SCAMP1: variants seen among roughly 807,000 people sequenced by gnomAD.
The protein encoded by SCAMP1 is secretory carrier membrane protein 1.
Under a neutral mutation model 41.8 loss-of-function variants are expected in SCAMP1, and 15 were observed. That is an observed-to-expected ratio of 0.36 (90% CI 0.24 to 0.55). The LOEUF is 0.55. Ranked by LOEUF, SCAMP1 falls within the 20% of genes least tolerant of loss-of-function variation. The pLI is 0.86. For missense variants in SCAMP1, 341 were observed against 412.6 expected, an observed-to-expected ratio of 0.83 and a Z score of 1.50; for synonymous variants, 135 against 136.8, an observed-to-expected ratio of 0.99 and a Z score of 0.09.
chr5:78,382,785 G>A (rs1024227079), intron 1 of SCAMP1, among the ~76,000 whole-genome samples: 4 of 62,400 alleles, frequency 6.4e-5, no homozygotes, highest in Non-Finnish European at 1.7e-4. Context: ...TGGTGTGTGT[G>A]TGTGTGTGTG....
In SCAMP1 at chr5:78,416,621, A is replaced by G; in HGVS notation, c.315A>G (p.Glu105=). Reference sequence around the variant, plus strand: ...AAGCCGCAGAATTAGATCGTCGGGAACGAGAAATGCAAAACCTCAGTCAAC... The same window carrying G: ...AAGCCGCAGAATTAGATCGTCGGGAGCGAGAAATGCAAAACCTCAGTCAAC... ...ERKAAELDRR[E]REMQNLSQHG... Residue 105 remains glutamate, a synonymous_variant, in exon 4 of 9, where the codon GAA becomes GAG. Transcript: ENST00000621999. 6.3e-7 allele frequency: 1 copy of G among 1,592,742 alleles called. No individual in the cohort carries two copies. Among genetic ancestry groups the G allele is most frequent in the Non-Finnish European group, 8.6e-7 (1 of 1,169,202 alleles).
rs946439342 is a variant in SCAMP1, at chr5:78,362,680, T to C, written c.57+1952T>C. ...CTTTCTCTGTTTTTGGTGACTGTTATAGCACTGTCAGTGTATCTGACCCTT... is the reference window on the plus strand; with the variant it reads ...CTTTCTCTGTTTTTGGTGACTGTTACAGCACTGTCAGTGTATCTGACCCTT... On this transcript the variant is annotated intron_variant, in intron 1 of 8. Transcript: ENST00000621999. Among the ~76,000 whole-genome samples, 2 of 152,216 alleles carry C rather than the reference T, an allele frequency of 1.3e-5. 1 individual carries two copies. The highest frequency in any genetic ancestry group is 4.8e-5 in the African/African-American group (2 of 41,460).
chr5:78,403,950 C>CAAAAAAAAAAAAA (rs61249151), intron 2 of SCAMP1, among the ~76,000 whole-genome samples: 2 of 49,334 alleles, frequency 4.1e-5, no homozygotes, highest in Non-Finnish European at 6.9e-5. Flanking sequence ...GACTCTGTCT[C>CAAAAAAAAAAAAA]AAAAAAAAAA....
At chr5:78,445,783 T>C (rs1186058937) in intron 6 of SCAMP1, among the ~76,000 whole-genome samples, 1 of 152,230 alleles carries the variant, frequency 6.6e-6, no homozygotes, top group Non-Finnish European at 1.5e-5. Context: ...ATGATTGTAT[T>C]GCTTCATTTT....
Position 78,468,272 on chromosome 5 carries a change from T to C in SCAMP1, c.853-7232T>C, listed in dbSNP as rs968856369. Among the ~76,000 whole-genome samples, 8 of 152,228 alleles carry C rather than the reference T, an allele frequency of 5.3e-5. No individual in the cohort carries two copies. The South Asian group carries it at 6.2e-4, about 12-fold the overall frequency. ...CATCTGCATGGAGAAGGGTCTAGTT[T>C]AGTCCTTATCTTTCACAAATAGATT... On this transcript the variant is annotated intron_variant, in intron 8 of 8. Coordinates refer to ENST00000621999, the MANE Select transcript of SCAMP1 (RefSeq NM_004866.6).
chr5:78,450,736 T>A (rs777288764), intron 7 of SCAMP1, among the ~76,000 whole-genome samples: 3 of 152,228 alleles, frequency 2.0e-5, no homozygotes, highest in Admixed American at 6.5e-5. Flanking sequence ...TTCTTACATG[T>A]CAGAAGAATG....
chr5:78,413,651 C>T (rs1752137638), intron 2 of SCAMP1, among the ~76,000 whole-genome samples: 2 of 152,156 alleles, frequency 1.3e-5, no homozygotes, highest in Admixed American at 1.3e-4. Context: ...CTCCTGAGCT[C>T]AGGCGATCTG....
Position 78,412,160 on chromosome 5 carries a change from C to T in SCAMP1, c.136-3360C>T, listed in dbSNP as rs537247340. On this transcript the variant is annotated intron_variant, in intron 2 of 8. Coordinates refer to ENST00000621999, the MANE Select transcript of SCAMP1 (RefSeq NM_004866.6). ...TATTAACTAATTGTTGTATATGTTG[C>T]TTATTATTTAGATTTTGCCATCTAA... 1.2e-4 allele frequency among the ~76,000 whole-genome samples: 18 copies of T among 151,798 alleles called. No individual in the cohort carries two copies. The South Asian group carries it at 3.3e-3, about 28-fold the overall frequency.
chr5:78,415,302 T>A (rs149686501), intron 2 of SCAMP1, among the ~76,000 whole-genome samples: 1 of 152,174 alleles, frequency 6.6e-6, no homozygotes, highest in Admixed American at 6.5e-5. Flanking sequence ...TATAGTGTTA[T>A]AAGTAGCAGT....
At chr5:78,448,141 C>T (rs1210298525) in intron 6 of SCAMP1, among the ~76,000 whole-genome samples, 1 of 61,378 alleles carries the variant, frequency 1.6e-5, no homozygotes, top group African/African-American at 7.1e-5. Context: ...CTTCTTCCTC[C>T]TCTTCTTCTT....
intron 1 of SCAMP1, among the ~76,000 whole-genome samples, chr5:78,382,319 A>G (rs1751223010): frequency 6.6e-6 from 1 of 152,202 alleles, no homozygotes; most frequent in Admixed American, 6.5e-5. Flanking sequence ...TTCATTATAA[A>G]TGCTTTTCAC....
intron 1 of SCAMP1, among the ~76,000 whole-genome samples, chr5:78,377,013 G>C (rs1751081275): frequency 6.6e-6 from 1 of 152,028 alleles, no homozygotes; most frequent in African/African-American, 2.4e-5. Context: ...CCCTACCTTG[G>C]GGGAAAGGCT....
chr5:78,396,800 T>C (rs1328452601), intron 2 of SCAMP1, among the ~76,000 whole-genome samples: 2 of 152,186 alleles, frequency 1.3e-5, no homozygotes, highest in African/African-American at 4.8e-5. Flanking sequence ...GTTTCAATAA[T>C]GAGATAGTGA....
intron 6 of SCAMP1, among the ~76,000 whole-genome samples, chr5:78,443,509 ATTG>A (rs1283890547): frequency 6.6e-6 from 1 of 151,980 alleles, no homozygotes; most frequent in Non-Finnish European, 1.5e-5. Flanking sequence ...TAGGTTTGAT[ATTG>A]TTCAGGTTTA....
At chr5:78,441,620 C>T (rs963099331) in intron 6 of SCAMP1, among the ~76,000 whole-genome samples, 1 of 152,130 alleles carries the variant, frequency 6.6e-6, no homozygotes, top group African/African-American at 2.4e-5. Context: ...TTGAATCCAG[C>T]CTGACCAATG....
At chr5:78,472,578 G>A (rs1753911204) in intron 8 of SCAMP1, among the ~76,000 whole-genome samples, 2 of 151,986 alleles carry the variant, frequency 1.3e-5, no homozygotes. Context: ...CTGAAATCAA[G>A]AATCCACCCT....
chr5:78,365,292 G>T (rs1237655956), intron 1 of SCAMP1, among the ~76,000 whole-genome samples: 4 of 151,746 alleles, frequency 2.6e-5, no homozygotes, highest in African/African-American at 4.8e-5. Flanking sequence ...GGCCAACATG[G>T]TGAAACCCCG....
At chr5:78,459,914 C>G (rs1447651323) in intron 8 of SCAMP1, among the ~76,000 whole-genome samples, 1 of 152,198 alleles carries the variant, frequency 6.6e-6, no homozygotes, top group East Asian at 1.9e-4. Flanking sequence ...GCTCTTCTCC[C>G]TCCCTCCCTT....
intron 1 of SCAMP1, among the ~76,000 whole-genome samples, chr5:78,385,521 T>C (rs1318638942): frequency 6.6e-6 from 1 of 152,186 alleles, no homozygotes; most frequent in Non-Finnish European, 1.5e-5. Flanking sequence ...CTCTAGTTCC[T>C]TGAGGTGTGA....
Sources: gnomAD v4.1 joint callset for allele counts (sites outside exome capture counted in the v4.1 genomes callset) on GRCh38, gnomAD v4.1.1 for gene constraint, MANE v1.5 for transcripts, NCBI Gene and HGNC (gene_info 2026-07-23, HGNC 2026-07-21) for gene names.